RBPMS: variants seen among roughly 807,000 people sequenced by gnomAD.
RBPMS encodes RNA-binding protein with multiple splicing.
In RBPMS, 7 loss-of-function variants were observed where a neutral mutation model predicts 26.8. That is an observed-to-expected ratio of 0.26 (90% CI 0.15 to 0.49). RBPMS has a LOEUF of 0.49. Ranked by LOEUF, RBPMS falls within the 20% of genes least tolerant of loss-of-function variation. The pLI is 0.98. For synonymous variants in RBPMS, 96 were observed against 93.3 expected, an observed-to-expected ratio of 1.03 and a Z score of -0.17; for missense variants, 186 against 250.0, an observed-to-expected ratio of 0.74 and a Z score of 1.73.
intron 5 of RBPMS, among the ~76,000 whole-genome samples, chr8:30,515,685 T>C (rs1484819018): frequency 1.3e-5 from 2 of 152,202 alleles, no homozygotes; most frequent in African/African-American, 4.8e-5. Flanking sequence ...GATGGGGGTC[T>C]TACTTTGTTC....
chr8:30,569,587 C>A (rs879724603), intron 8 of RBPMS, among the ~76,000 whole-genome samples: 1 of 152,152 alleles, frequency 6.6e-6, no homozygotes, highest in Non-Finnish European at 1.5e-5. Flanking sequence ...TTGGAAGCCA[C>A]TGGAAAGATG....
chr8:30,478,993 G>A (rs1817995616), intron 3 of RBPMS, among the ~76,000 whole-genome samples: 1 of 152,154 alleles, frequency 6.6e-6, no homozygotes, highest in Non-Finnish European at 1.5e-5. Context: ...ATTTGATTTA[G>A]GAAAGTAGAG....
chr8:30,462,207 C>T (rs1815991846), intron 1 of RBPMS, among the ~76,000 whole-genome samples: 1 of 152,014 alleles, frequency 6.6e-6, no homozygotes, highest in Non-Finnish European at 1.5e-5. Context: ...TGTGGTTGTA[C>T]CTTTTTGCAT....
chr8:30,426,713 G>A (rs1156615417), intron 1 of RBPMS, among the ~76,000 whole-genome samples: 1 of 150,910 alleles, frequency 6.6e-6, no homozygotes, highest in African/African-American at 2.4e-5. Context: ...TATGTCTTGG[G>A]GTTTCTCCAG....
chr8:30,563,767 G>A (rs1035393294), intron 7 of RBPMS, among the ~76,000 whole-genome samples: 4 of 152,164 alleles, frequency 2.6e-5, no homozygotes, highest in African/African-American at 9.7e-5. Context: ...AGCTTAACAA[G>A]GAGGAAAGGC....
intron 2 of RBPMS, among the ~76,000 whole-genome samples, chr8:30,476,365 T>A (rs1585595028): frequency 6.6e-6 from 1 of 152,302 alleles, no homozygotes; most frequent in Non-Finnish European, 1.5e-5. Context: ...CTACCAGTGG[T>A]GTTTTACTTG....
chr8:30,569,396 G>A (rs1460958370), intron 8 of RBPMS, among the ~76,000 whole-genome samples: 1 of 152,114 alleles, frequency 6.6e-6, no homozygotes, highest in Non-Finnish European at 1.5e-5. Context: ...GAACCCCTGT[G>A]AGGAGCTCAG....
intron 1 of RBPMS, among the ~76,000 whole-genome samples, chr8:30,420,802 T>C (rs1810684565): frequency 6.6e-6 from 1 of 152,202 alleles, no homozygotes; most frequent in Admixed American, 6.5e-5. Context: ...CATGTTGTAG[T>C]GTTTTCCCTG....
At chr8:30,534,112 G>A (rs1017490487) in intron 5 of RBPMS, among the ~76,000 whole-genome samples, 2 of 146,380 alleles carry the variant, frequency 1.4e-5, no homozygotes, top group African/African-American at 5.1e-5. Flanking sequence ...CAGCCCGGGT[G>A]ACAGCACGAG....
chr8:30,435,415 A>G (rs937366640), intron 1 of RBPMS, among the ~76,000 whole-genome samples: 5 of 152,202 alleles, frequency 3.3e-5, no homozygotes, highest in African/African-American at 1.2e-4. Context: ...CTAAGCTATA[A>G]CAAATACTCT....
intron 1 of RBPMS, among the ~76,000 whole-genome samples, chr8:30,421,889 A>G (rs1810833106): frequency 6.6e-6 from 1 of 151,920 alleles, no homozygotes; most frequent in South Asian, 2.1e-4. Flanking sequence ...CGGGAGGCGG[A>G]GGTTGCAGTA....
chr8:30,536,819 G>A (rs1349605161), intron 5 of RBPMS, among the ~76,000 whole-genome samples: 1 of 151,764 alleles, frequency 6.6e-6, no homozygotes, highest in Non-Finnish European at 1.5e-5. Flanking sequence ...ACAGTATGCT[G>A]CTCTCATGAA....
At chr8:30,502,094 C>T (rs1820614944) in intron 4 of RBPMS, among the ~76,000 whole-genome samples, 1 of 150,360 alleles carries the variant, frequency 6.7e-6, no homozygotes, top group African/African-American at 2.4e-5. Flanking sequence ...AGCCTCCGGC[C>T]TCTGAATAAG....
At chr8:30,477,508 T>C (rs867674293) in intron 2 of RBPMS, among the ~76,000 whole-genome samples, 45 of 152,278 alleles carry the variant, frequency 3.0e-4, no homozygotes, top group Middle Eastern at 3.4e-3. Context: ...AAGATTGCTA[T>C]TAACAGAGAC....
chr8:30,440,247 AC>A (rs1322656018), intron 1 of RBPMS, among the ~76,000 whole-genome samples: 4 of 152,172 alleles, frequency 2.6e-5, no homozygotes, highest in Non-Finnish European at 1.5e-5. Context: ...TTTTAAGTGT[AC>A]AGTTCAGTAG....
At chr8:30,464,831 A>G (rs1284900545) in intron 1 of RBPMS, among the ~76,000 whole-genome samples, 2 of 152,202 alleles carry the variant, frequency 1.3e-5, no homozygotes, top group Admixed American at 1.3e-4. Context: ...TTGTCAGTCC[A>G]TGGAAAAGTC....
At chr8:30,503,945 G>C (rs1247755994) in intron 4 of RBPMS, among the ~76,000 whole-genome samples, 1 of 152,190 alleles carries the variant, frequency 6.6e-6, no homozygotes, top group Non-Finnish European at 1.5e-5. Context: ...GTAAACTGCA[G>C]GAATAGGGTC....
At chr8:30,492,144 G>A (rs1037700054) in intron 4 of RBPMS, among the ~76,000 whole-genome samples, 3 of 152,092 alleles carry the variant, frequency 2.0e-5, no homozygotes, top group African/African-American at 7.2e-5. Context: ...CACCTGCCCC[G>A]GCCTCCCAAA....
At position 30,474,861 on chromosome 8, in the gene RBPMS, C is replaced by CTT; in HGVS notation, c.144+11_144+12dup. ...CTGCTTTTCAGACCATTTAAGGTAC[C>CTT]TTTTTTTATCTTTCAGAAATTATAA... On this transcript the variant is annotated splice_donor_region_variant and intron_variant, in intron 2 of 8. Coordinates refer to ENST00000397323, the MANE Select transcript of RBPMS (RefSeq NM_001008710.3). 6.4e-7 allele frequency: 1 copy of CTT among 1,569,002 alleles called. No individual in the cohort carries two copies.
Sources: gnomAD v4.1 joint callset for allele counts (sites outside exome capture counted in the v4.1 genomes callset) on GRCh38, gnomAD v4.1.1 for gene constraint, MANE v1.5 for transcripts, NCBI Gene and HGNC (gene_info 2026-07-23, HGNC 2026-07-21) for gene names.